ZBTB20: variants seen among roughly 807,000 people sequenced by gnomAD.
ZBTB20 encodes the protein zinc finger and BTB domain-containing protein 20.
A neutral mutation model predicts 56.9 loss-of-function variants in ZBTB20; 9 were observed. The ratio of observed to expected loss-of-function variants is 0.16; its 90% confidence interval spans 0.10 to 0.28. ZBTB20 has a LOEUF of 0.28. ZBTB20 is among the 10% of genes least tolerant of loss of function. ZBTB20 has a pLI of 1.00. For missense variants in ZBTB20, 655 were observed against 1,003.0 expected, an observed-to-expected ratio of 0.65 and a Z score of 4.69; for synonymous variants, 417 against 420.7, an observed-to-expected ratio of 0.99 and a Z score of 0.11.
At chr3:114,366,598 T>C (rs1367354725) in intron 10 of ZBTB20, 1 of 152,244 alleles carries the variant, frequency 6.6e-6, no homozygotes, top group East Asian at 1.9e-4. Context: ...TTATACAGAC[T>C]TGTGTACAGT....
intron 3 of ZBTB20, among the ~76,000 whole-genome samples, chr3:114,961,772 A>G (rs1027606454): frequency 7.2e-5 from 11 of 152,116 alleles, no homozygotes; most frequent in African/African-American, 2.7e-4. Flanking sequence ...ATATGCACAG[A>G]TAATAAAAGT....
chr3:114,965,566 C>A (rs1382923159), intron 3 of ZBTB20, among the ~76,000 whole-genome samples: 2 of 152,256 alleles, frequency 1.3e-5, no homozygotes, highest in East Asian at 3.9e-4. Flanking sequence ...GCTTATTTCA[C>A]TTAAAAATCC....
intron 5 of ZBTB20, among the ~76,000 whole-genome samples, chr3:114,696,551 G>T (rs900104827): frequency 3.9e-5 from 6 of 151,968 alleles, no homozygotes; most frequent in African/African-American, 1.2e-4. Flanking sequence ...TTTTATGACC[G>T]CTTGAGAGGC....
intron 8 of ZBTB20, among the ~76,000 whole-genome samples, chr3:114,381,826 T>C (rs1223126409): frequency 6.6e-6 from 1 of 152,192 alleles, no homozygotes; most frequent in Non-Finnish European, 1.5e-5. Context: ...AGAGATGGCA[T>C]GGCAAAGATT....
intron 7 of ZBTB20, among the ~76,000 whole-genome samples, chr3:114,453,071 C>T (rs2091738361): frequency 6.6e-6 from 1 of 152,142 alleles, no homozygotes; most frequent in Non-Finnish European, 1.5e-5. Context: ...CTACATTTTA[C>T]ACATACAGCT....
chr3:114,921,215 T>C (rs2107756402), intron 3 of ZBTB20, among the ~76,000 whole-genome samples: 1 of 152,220 alleles, frequency 6.6e-6, no homozygotes, highest in Non-Finnish European at 1.5e-5. Context: ...CTCCATCTCC[T>C]GAGTTCAAGT....
intron 2 of ZBTB20, among the ~76,000 whole-genome samples, chr3:115,012,166 A>G (rs1164712423): frequency 6.6e-6 from 1 of 151,874 alleles, no homozygotes; most frequent in African/African-American, 2.4e-5. Context: ...GAAGACCACA[A>G]AACAACCAGG....
chr3:114,568,884 T>C (rs2053100834), intron 6 of ZBTB20, among the ~76,000 whole-genome samples: 1 of 152,178 alleles, frequency 6.6e-6, no homozygotes, highest in South Asian at 2.1e-4. Context: ...TCACATATTC[T>C]TATCTCTCTT....
At chr3:114,902,520 A>AT (rs546375394) in intron 3 of ZBTB20, among the ~76,000 whole-genome samples, 134 of 152,304 alleles carry the variant, frequency 8.8e-4, no homozygotes, top group Middle Eastern at 3.4e-3. Context: ...CACTAGGTTT[A>AT]TTTTTTATAT....
chr3:114,856,854 T>C (rs1028910084), intron 4 of ZBTB20, among the ~76,000 whole-genome samples: 2 of 152,168 alleles, frequency 1.3e-5, no homozygotes, highest in Non-Finnish European at 2.9e-5. Flanking sequence ...ATATACACTG[T>C]ATGTATTACT....
intron 2 of ZBTB20, among the ~76,000 whole-genome samples, chr3:115,049,018 CT>C (rs1229835964): frequency 4.6e-5 from 7 of 150,992 alleles, no homozygotes; most frequent in South Asian, 2.1e-4. Context: ...GGGTCATATA[CT>C]TTTTTTTTAA....
At chr3:114,754,833 G>A (rs1297263075) in intron 5 of ZBTB20, among the ~76,000 whole-genome samples, 1 of 152,010 alleles carries the variant, frequency 6.6e-6, no homozygotes, top group Non-Finnish European at 1.5e-5. Flanking sequence ...TTATGAGCAG[G>A]CAATCACATA....
chr3:114,867,724 C>T (rs969936435), intron 4 of ZBTB20, among the ~76,000 whole-genome samples: 10 of 152,146 alleles, frequency 6.6e-5, no homozygotes, highest in African/African-American at 1.2e-4. Flanking sequence ...AGTGAGCCAC[C>T]GCACCTGCCC....
chr3:114,797,534 T>G (rs932671799), intron 5 of ZBTB20, among the ~76,000 whole-genome samples: 1 of 151,960 alleles, frequency 6.6e-6, no homozygotes, highest in Non-Finnish European at 1.5e-5. Context: ...GTTTTGTCTA[T>G]AAGAAAGATG....
chr3:114,354,957 A>G (rs1361188130), intron 10 of ZBTB20, among the ~76,000 whole-genome samples: 2 of 152,180 alleles, frequency 1.3e-5, no homozygotes, highest in African/African-American at 4.8e-5. Context: ...GACTTGCCCA[A>G]AGTTTTGCAC....
chr3:114,432,819 G>A (rs777680933), intron 7 of ZBTB20, among the ~76,000 whole-genome samples: 11 of 152,112 alleles, frequency 7.2e-5, no homozygotes, highest in Non-Finnish European at 1.0e-4. Flanking sequence ...TAATCAGGTC[G>A]GAGAGTAATG....
At chr3:114,449,930 G>A (rs2091498545) in intron 7 of ZBTB20, among the ~76,000 whole-genome samples, 1 of 152,166 alleles carries the variant, frequency 6.6e-6, no homozygotes, top group African/African-American at 2.4e-5. Context: ...AACTGATTGA[G>A]TTAATTTTTT....
At chr3:114,545,177 T>G (rs2049723361) in intron 6 of ZBTB20, among the ~76,000 whole-genome samples, 1 of 152,220 alleles carries the variant, frequency 6.6e-6, no homozygotes, top group African/African-American at 2.4e-5. Context: ...ATATGAACTC[T>G]TTTATCTCTG....
At chr3:114,625,427 C>T (rs1376961815) in intron 6 of ZBTB20, among the ~76,000 whole-genome samples, 2 of 152,054 alleles carry the variant, frequency 1.3e-5, no homozygotes, top group African/African-American at 4.8e-5. Context: ...GTACTGTTTT[C>T]CCAATTCAGT....
Sources: gnomAD v4.1 joint callset for allele counts (sites outside exome capture counted in the v4.1 genomes callset) on GRCh38, gnomAD v4.1.1 for gene constraint, MANE v1.5 for transcripts, NCBI Gene and HGNC (gene_info 2026-07-23, HGNC 2026-07-21) for gene names.